The following INO80D variants were observed in gnomAD, a reference collection of about 807,000 sequenced individuals.
The protein encoded by INO80D is INO80 complex subunit D.
In INO80D, 21 loss-of-function variants were observed where a neutral mutation model predicts 87.6. That is an observed-to-expected ratio of 0.24 (90% CI 0.17 to 0.35). The LOEUF is 0.35. Ranked by LOEUF, INO80D falls within the 10% of genes least tolerant of loss-of-function variation. INO80D has a pLI of 1.00. For missense variants in INO80D, 982 were observed against 1,280.7 expected, an observed-to-expected ratio of 0.77 and a Z score of 3.56; for synonymous variants, 440 against 491.0, an observed-to-expected ratio of 0.90 and a Z score of 1.37.
At chr2:206,018,860 G>C (rs1323652903) in intron 7 of INO80D, among the ~76,000 whole-genome samples, 1 of 152,184 alleles carries the variant, frequency 6.6e-6, no homozygotes, top group Non-Finnish European at 1.5e-5. Context: ...CTGTGATCGT[G>C]CCACTGCACT....
intron 1 of INO80D, among the ~76,000 whole-genome samples, chr2:206,079,230 A>G (rs1690208977): frequency 6.6e-6 from 1 of 151,900 alleles, no homozygotes. Flanking sequence ...GCACTACCAC[A>G]CCTGGCTAAT....
chr2:206,059,738 A>G (rs1325062302), intron 3 of INO80D, among the ~76,000 whole-genome samples: 5 of 150,672 alleles, frequency 3.3e-5, no homozygotes, highest in Non-Finnish European at 7.5e-5. Context: ...GAGAATCTAC[A>G]CCGTGTGTGT....
chr2:206,056,510 A>G lies in INO80D; in HGVS notation c.652T>C (p.Ser218Pro). ...TGCGGTGGCGCTGGAGGTTTTAAAG[A>G]AGTAGATAAAGGTGACAGGTGGGAG... Reference protein sequence around the residue: ...QHSHLSPLSTSLKPPAPPQGS... With the variant: ...QHSHLSPLSTPLKPPAPPQGS... Residue 218 changes from serine (S) to proline (P), a missense_variant, in exon 4 of 11, where the codon TCT becomes CCT. Coordinates refer to ENST00000403263, the MANE Select transcript of INO80D (RefSeq NM_017759.5). 1 of 1,613,548 alleles carries G rather than the reference A, an allele frequency of 6.2e-7. No individual in the cohort carries two copies. Among genetic ancestry groups the G allele is most frequent in the Non-Finnish European group, 8.5e-7 (1 of 1,179,692 alleles).
intron 1 of INO80D, among the ~76,000 whole-genome samples, chr2:206,064,119 T>TA (rs1689754747): frequency 1.3e-5 from 2 of 152,188 alleles, no homozygotes; most frequent in Admixed American, 1.3e-4. Context: ...TGACCACACT[T>TA]ATATCATTCA....
intron 4 of INO80D, among the ~76,000 whole-genome samples, chr2:206,048,281 T>G (rs1689253763): frequency 6.6e-6 from 1 of 152,176 alleles, no homozygotes; most frequent in South Asian, 2.1e-4. Flanking sequence ...TTGCCCAGGT[T>G]GGAGTGTAGT....
chr2:206,005,113 A>G lies in INO80D; in HGVS notation c.2339T>C (p.Phe780Ser). The G allele has an allele frequency of 1.2e-6, 2 of 1,613,876 alleles. No individual in the cohort carries two copies. The highest frequency in any genetic ancestry group is 1.7e-6 in the Non-Finnish European group (2 of 1,179,852). ...ATGAAGTCCATGAAACTGTCCTGGG[A>G]AGGCTCTCTCCCCAAGTGCACTCTG... ...ISQSALGERAFPGQFHGLHDG... is the reference protein window; with the variant it reads ...ISQSALGERASPGQFHGLHDG... Residue 780 changes from phenylalanine (F) to serine (S), a missense_variant, in exon 11 of 11, where the codon TTC (phenylalanine) becomes TCC (serine). Physicochemically the swap from Phe to Ser is radical, Grantham distance 155 (BLOSUM62 -2). Transcript: ENST00000403263.
chr2:205,999,430 A>G lies in INO80D; in HGVS notation c.*4938T>C, dbSNP rs1687866465. The G allele has an allele frequency of 1.3e-5, 2 of 152,222 alleles. No individual in the cohort carries two copies. Among genetic ancestry groups the G allele is most frequent in the Admixed American group, 1.3e-4 (2 of 15,282 alleles). 9.4% of individuals were successfully genotyped at this position (152,222 alleles called of 1,614,324 possible). A position where few individuals can be genotyped will look rare whatever the true frequency, so the allele number is the denominator to read the frequency against. ...TTAGATCACTAAAAACTGCTGTTCA[A>G]AGTAGCCAAACATCCCCAGTATTGG... On this transcript the variant is annotated 3_prime_UTR_variant, in exon 11 of 11. Transcript: ENST00000403263.
At chr2:206,063,304 G>A in intron 1 of INO80D, 60 bp from the exon 2 acceptor site, 1 of 517,406 alleles carries the variant, frequency 1.9e-6, no homozygotes, top group Non-Finnish European at 3.3e-6. Context: ...AGCTCACCCA[G>A]GAAGCAAAAT....
At chr2:206,025,709 T>A (rs972564183) in intron 6 of INO80D, 2 of 151,426 alleles carry the variant, frequency 1.3e-5, no homozygotes, top group South Asian at 2.1e-4. Context: ...GGAAAAGAAA[T>A]TTTTTAAATG....
chr2:206,067,694 T>G (rs1689856526), intron 1 of INO80D, among the ~76,000 whole-genome samples: 1 of 152,174 alleles, frequency 6.6e-6, no homozygotes, highest in African/African-American at 2.4e-5. Flanking sequence ...ATCCATGCCA[T>G]TTTTCATTTT....
At chr2:206,082,313 C>T (rs1201073327) in intron 1 of INO80D, among the ~76,000 whole-genome samples, 1 of 152,256 alleles carries the variant, frequency 6.6e-6, no homozygotes, top group Non-Finnish European at 1.5e-5. Flanking sequence ...AGCCACCACG[C>T]CCGGCCTAAA....
chr2:206,005,510 T>C lies in INO80D; in HGVS notation c.1942A>G (p.Thr648Ala). 2.5e-6 allele frequency: 4 copies of C among 1,612,576 alleles called. No homozygotes were observed. Among genetic ancestry groups the C allele is most frequent in the Non-Finnish European group, 3.4e-6 (4 of 1,179,700 alleles). ...TCAAGCTCCTCAGCCTCTTCGGTAGTTGGGAGGAGGTCTCCATTCTTCCCT... is the reference window on the plus strand; with the variant it reads ...TCAAGCTCCTCAGCCTCTTCGGTAGCTGGGAGGAGGTCTCCATTCTTCCCT... ...FEGKNGDLLP[T>A]TEEAEELERA... Residue 648 changes from threonine to alanine, a missense_variant, in exon 11 of 11, where the codon ACT (threonine) becomes GCT (alanine). Coordinates refer to ENST00000403263, the MANE Select transcript of INO80D (RefSeq NM_017759.5).
At chr2:206,035,861 G>T (rs751115190) in intron 5 of INO80D, among the ~76,000 whole-genome samples, 7 of 152,016 alleles carry the variant, frequency 4.6e-5, no homozygotes, top group Non-Finnish European at 1.0e-4. Flanking sequence ...AATCCACAAC[G>T]AACCCAGACA....
intron 5 of INO80D, among the ~76,000 whole-genome samples, chr2:206,028,970 C>G (rs1168591030): frequency 6.6e-6 from 1 of 151,830 alleles, no homozygotes; most frequent in Non-Finnish European, 1.5e-5. Flanking sequence ...TCACTGCAAG[C>G]TCCATCTCCT....
Position 206,004,246 on chromosome 2 carries a change from G to C in INO80D, c.*122C>G, listed in dbSNP as rs1687959033. On this transcript the variant is annotated 3_prime_UTR_variant, in exon 11 of 11. Transcript: ENST00000403263. The surrounding 1 kb of genome is among the most constrained non-coding windows in gnomAD (Gnocchi z 4.9). ...AGGGCCACTCATTGAACTGGGAAGG[G>C]GGGTGCCCCTCTGATCCCCATCTGT... is the stretch of plus-strand genomic sequence containing the variant. The C allele has an allele frequency of 1.1e-6, 1 of 889,256 alleles. No homozygotes were observed. The highest frequency in any genetic ancestry group is 1.7e-6 in the Non-Finnish European group (1 of 581,696). 55.1% of individuals were successfully genotyped at this position (889,256 alleles called of 1,614,324 possible). A position where few individuals can be genotyped will look rare whatever the true frequency, so the allele number is the denominator to read the frequency against.
chr2:206,069,565 A>T (rs1263387550), intron 1 of INO80D, among the ~76,000 whole-genome samples: 1 of 152,048 alleles, frequency 6.6e-6, no homozygotes, highest in Non-Finnish European at 1.5e-5. Context: ...CTCAAAAAAA[A>T]GTTCTAATGC....
At chr2:206,044,456 G>T (rs894660118) in intron 5 of INO80D, among the ~76,000 whole-genome samples, 16 of 138,340 alleles carry the variant, frequency 1.2e-4, no homozygotes, top group African/African-American at 4.2e-4. Flanking sequence ...CAGCAGCTGG[G>T]CAAGAAGTAA....
intron 5 of INO80D, among the ~76,000 whole-genome samples, chr2:206,028,708 T>C (rs1237800137): frequency 6.6e-6 from 1 of 152,122 alleles, no homozygotes; most frequent in South Asian, 2.1e-4. Flanking sequence ...AGGAAACACA[T>C]AGCATAATTT....
In INO80D at chr2:206,002,038, G is replaced by C. The variant is rs532861012; in HGVS notation, c.*2330C>G. 1 of 152,196 alleles carries C rather than the reference G, an allele frequency of 6.6e-6. No individual in the cohort carries two copies. The highest frequency in any genetic ancestry group is 1.5e-5 in the Non-Finnish European group (1 of 68,034). The allele number at this position is 152,196 out of a possible 1,614,324, so 9.4% of individuals were successfully genotyped here. On this transcript the variant is annotated 3_prime_UTR_variant, in exon 11 of 11. Coordinates refer to ENST00000403263, the MANE Select transcript of INO80D (RefSeq NM_017759.5). ...AGCAGCTAACATGAGGGGACAAGTA[G>C]ACAGAAAAAGTTCAAATCGACTACC...
Sources: gnomAD v4.1 joint callset for allele counts (sites outside exome capture counted in the v4.1 genomes callset) on GRCh38, gnomAD v4.1.1 for gene constraint, Gnocchi (gnomAD v3.1) non-coding constraint, MANE v1.5 for transcripts, NCBI Gene and HGNC (gene_info 2026-07-23, HGNC 2026-07-21) for gene names.